The following RBFOX1 variants were observed in gnomAD, a reference collection of about 807,000 sequenced individuals.
RBFOX1 encodes the protein RNA binding fox-1 homolog 1, also known as RNA binding protein fox-1 homolog 1.
In RBFOX1, 8 loss-of-function variants were observed where a neutral mutation model predicts 57.7. That is an observed-to-expected ratio of 0.14 (90% CI 0.08 to 0.25). The LOEUF (loss-of-function observed/expected upper bound fraction) is 0.25, where lower values mean the gene tolerates loss of function less well. Among genes scored for constraint, RBFOX1 ranks in the 10% least tolerant of loss-of-function variants. The probability of loss-of-function intolerance (pLI) is 1.00; values close to 1 mark genes in which losing one functional copy is unlikely to be tolerated. For synonymous variants in RBFOX1, 326 were observed against 222.4 expected (o/e 1.47, Z -4.15); for missense variants, 611 against 548.5 (o/e 1.11, Z -1.14).
intron 1 of RBFOX1, among the ~76,000 whole-genome samples, chr16:6,104,603 ATCT>A (rs1417259726): frequency 6.6e-6 from 1 of 152,124 alleles, no homozygotes; most frequent in Non-Finnish European, 1.5e-5. Flanking sequence ...GCAACCACTA[ATCT>A]ATCGTGTTCC....
intron 1 of RBFOX1, among the ~76,000 whole-genome samples, chr16:5,266,380 G>A (rs1428454151): frequency 1.3e-5 from 2 of 152,010 alleles, no homozygotes; most frequent in African/African-American, 4.8e-5. Context: ...GGGCATAATA[G>A]CCCCCATCTG....
At chr16:7,377,379 G>C (rs1019013782) in intron 4 of RBFOX1, among the ~76,000 whole-genome samples, 2 of 152,104 alleles carry the variant, frequency 1.3e-5, no homozygotes, top group African/African-American at 2.4e-5. Context: ...AACCAGGCCT[G>C]TTTACCTTAT....
intron 2 of RBFOX1, among the ~76,000 whole-genome samples, chr16:6,645,024 G>C (rs1432491121): frequency 6.6e-6 from 1 of 152,166 alleles, no homozygotes; most frequent in Non-Finnish European, 1.5e-5. Flanking sequence ...CAAGTTGAAA[G>C]TGTGAGCAGG....
At chr16:7,450,198 A>G (rs773017792) in intron 4 of RBFOX1, among the ~76,000 whole-genome samples, 67 of 152,098 alleles carry the variant, frequency 4.4e-4, no homozygotes, top group Non-Finnish European at 7.1e-4. Flanking sequence ...GATCGAGATC[A>G]TCCTGGCCAA....
chr16:5,395,756 C>T (rs780816062), intron 1 of RBFOX1, among the ~76,000 whole-genome samples: 5 of 152,206 alleles, frequency 3.3e-5, no homozygotes, highest in Non-Finnish European at 7.3e-5. Context: ...TCCCAGCAGA[C>T]TCGCATTCTT....
intron 1 of RBFOX1, among the ~76,000 whole-genome samples, chr16:6,315,612 A>G (rs528824816): frequency 6.6e-6 from 1 of 152,088 alleles, no homozygotes; most frequent in East Asian, 1.9e-4. Context: ...TGGATGAATG[A>G]GTGCATCATT....
rs1555635267 is a variant in RBFOX1 at position 6,636,759 on chromosome 16, A to ATATATATAATATATGT, written c.-63-17830_-63-17829insGTTATATATAATATAT. On this transcript the variant is annotated intron_variant, in intron 2 of 15. Transcript: ENST00000550418. ...AAGCCAATTATATATAATATAGTTT[A>ATATATATAATATATGT]TATATATAATATATAATATATATAA... Among the ~76,000 whole-genome samples the ATATATATAATATATGT allele has an allele frequency of 2.9e-3, 139 of 48,492 alleles. 13 individuals are homozygous for ATATATATAATATATGT. The highest frequency in any genetic ancestry group is 4.6e-3 in the African/African-American group (81 of 17,594). The allele number at this position is 48,492 out of a possible 152,430, so 31.8% of individuals were successfully genotyped here.
intron 2 of RBFOX1, among the ~76,000 whole-genome samples, chr16:6,593,684 T>C (rs1000643020): frequency 2.6e-5 from 4 of 152,304 alleles, no homozygotes; most frequent in African/African-American, 9.6e-5. Context: ...AAAAGGTGAA[T>C]TGTTTGAAGG....
intron 4 of RBFOX1, among the ~76,000 whole-genome samples, chr16:7,432,764 G>A (rs947679309): frequency 7.2e-5 from 11 of 152,202 alleles, no homozygotes; most frequent in African/African-American, 2.2e-4. Flanking sequence ...CCTTTTCTGT[G>A]ATGTGTGGAA....
In RBFOX1 at chr16:6,188,236, C is replaced by A. The variant is rs185856589; in HGVS notation, c.-126-128759C>A. ...GCGTGATCCAAGGGTCAATAGTTTA[C>A]GTCTACCCACACATTAACTAGTGGC... On this transcript the variant is annotated intron_variant, in intron 1 of 15. Transcript: ENST00000550418. Among the ~76,000 whole-genome samples the A allele has an allele frequency of 1.5e-3, 223 of 152,158 alleles. 1 individual carries two copies. The highest frequency in any genetic ancestry group is 5.2e-3 in the African/African-American group (215 of 41,532).
chr16:5,558,732 G>A (rs2045775694), intron 2 of RBFOX1, among the ~76,000 whole-genome samples: 1 of 152,106 alleles, frequency 6.6e-6, no homozygotes, highest in Non-Finnish European at 1.5e-5. Flanking sequence ...AGAGTGCAGA[G>A]GGTCTGTCTT....
At chr16:7,318,254 G>A (rs776963369) in intron 4 of RBFOX1, among the ~76,000 whole-genome samples, 16 of 151,844 alleles carry the variant, frequency 1.1e-4, no homozygotes, top group Non-Finnish European at 1.8e-4. Context: ...AGTGGTGATG[G>A]CAGTGATGGT....
chr16:7,014,183 T>C (rs894685106), intron 3 of RBFOX1, among the ~76,000 whole-genome samples: 4 of 151,808 alleles, frequency 2.6e-5, no homozygotes, highest in African/African-American at 9.7e-5. Context: ...CAAATGAAAA[T>C]AACCTGTTCA....
intron 4 of RBFOX1, among the ~76,000 whole-genome samples, chr16:5,996,312 A>G (rs2060489638): frequency 6.6e-6 from 1 of 152,198 alleles, no homozygotes. Context: ...TAGACTCCAC[A>G]GAAGGCATGC....
chr16:7,302,219 GGAAA>G (rs2096052543), intron 4 of RBFOX1, among the ~76,000 whole-genome samples: 1 of 152,162 alleles, frequency 6.6e-6, no homozygotes, highest in African/African-American at 2.4e-5. Flanking sequence ...GATGAAAAGT[GGAAA>G]GAAACAGCGG....
intron 3 of RBFOX1, among the ~76,000 whole-genome samples, chr16:6,974,697 A>T (rs1448740733): frequency 6.6e-6 from 1 of 151,986 alleles, no homozygotes; most frequent in African/African-American, 2.4e-5. Flanking sequence ...GAGGGTAGTA[A>T]CATTTATTAA....
intron 3 of RBFOX1, among the ~76,000 whole-genome samples, chr16:6,942,600 C>A (rs1013727589): frequency 6.6e-6 from 1 of 152,068 alleles, no homozygotes; most frequent in Non-Finnish European, 1.5e-5. Flanking sequence ...GTGATCAAGA[C>A]AGAGTGGACT....
In RBFOX1 at chr16:7,157,024, A is replaced by G. The variant is rs76422736; in HGVS notation, c.27+104926A>G. 2.8e-3 allele frequency among the ~76,000 whole-genome samples: 432 copies of G among 152,314 alleles called. 10 individuals carry two copies. The East Asian group carries it at 0.057, about 20-fold the overall frequency. The stretch of plus-strand genomic sequence containing the variant: ...TCTGCTGTCAGATTGTGAAAGGCTG[A>G]AGGAAATTTACAAGGAGCTCTCCTG... On this transcript the variant is annotated intron_variant, in intron 4 of 15. Coordinates refer to ENST00000550418, the MANE Select transcript of RBFOX1 (RefSeq NM_018723.4).
intron 2 of RBFOX1, among the ~76,000 whole-genome samples, chr16:6,647,163 C>T (rs1209793028): frequency 1.3e-5 from 2 of 152,188 alleles, no homozygotes; most frequent in East Asian, 1.9e-4. Context: ...CATTCCTGGG[C>T]TTACGCTACC....
Sources: gnomAD v4.1 joint callset for allele counts (sites outside exome capture counted in the v4.1 genomes callset) on GRCh38, gnomAD v4.1.1 for gene constraint, MANE v1.5 for transcripts, NCBI Gene and HGNC (gene_info 2026-07-23, HGNC 2026-07-21) for gene names.